Variants in CNTN5 observed in about 807,000 individuals in gnomAD.
CNTN5 encodes the protein contactin-5.
Under a neutral mutation model 129.1 loss-of-function variants are expected in CNTN5, and 77 were observed. The observed-to-expected ratio is 0.60, with a 90% CI of 0.50 to 0.72. The LOEUF is 0.72. Ranked by LOEUF, CNTN5 falls within the 30% of genes least tolerant of loss-of-function variation. The pLI is 0.00. For missense variants in CNTN5, 1,478 were observed against 1,328.8 expected (o/e 1.11, Z -1.75); for synonymous variants, 509 against 465.6 (o/e 1.09, Z -1.20).
chr11:99,681,337 A>G lies in CNTN5; in HGVS notation c.55+125068A>G, dbSNP rs910433218. ...CAGCATAGCATTCTACACTACTAAG[A>G]ATTTTTTTGTGAAAGGAAGAGACAA... On this transcript the variant is annotated intron_variant, in intron 3 of 24. Coordinates refer to ENST00000524871, the MANE Select transcript of CNTN5 (RefSeq NM_014361.4). Among the ~76,000 whole-genome samples the G allele has an allele frequency of 4.7e-4, 57 of 120,368 alleles. 1 individual carries two copies. The highest frequency in any genetic ancestry group is 1.7e-3 in the African/African-American group (52 of 30,512). 79.0% of individuals were successfully genotyped at this position (120,368 alleles called of 152,430 possible).
chr11:100,038,345 A>C (rs1038901958), intron 9 of CNTN5, among the ~76,000 whole-genome samples: 1 of 151,994 alleles, frequency 6.6e-6, no homozygotes, highest in Non-Finnish European at 1.5e-5. Context: ...GTTTGTTATG[A>C]TTTCTGTTCT....
intron 17 of CNTN5, among the ~76,000 whole-genome samples, chr11:100,266,836 A>G (rs879662721): frequency 1.3e-5 from 2 of 152,102 alleles, no homozygotes; most frequent in African/African-American, 4.8e-5. Context: ...AATATTGCCA[A>G]TTCTGATCAC....
intron 1 of CNTN5, among the ~76,000 whole-genome samples, chr11:99,076,283 C>T (rs1184056979): frequency 1.3e-5 from 2 of 151,974 alleles, no homozygotes; most frequent in African/African-American, 2.4e-5. Context: ...TGCAGTGAAC[C>T]GAGGTTGCAC....
chr11:99,146,164 T>C (rs1859773961), intron 1 of CNTN5, among the ~76,000 whole-genome samples: 1 of 152,162 alleles, frequency 6.6e-6, no homozygotes, highest in African/African-American at 2.4e-5. Context: ...ATGTAATCTA[T>C]ATACTATTTG....
intron 2 of CNTN5, among the ~76,000 whole-genome samples, chr11:99,331,053 G>A (rs1865979225): frequency 1.3e-5 from 2 of 151,968 alleles, no homozygotes; most frequent in South Asian, 4.1e-4. Flanking sequence ...TATTGTGTTT[G>A]TAGACAGGAA....
At chr11:99,864,495 G>C (rs948407082) in intron 6 of CNTN5, among the ~76,000 whole-genome samples, 1 of 152,052 alleles carries the variant, frequency 6.6e-6, no homozygotes, top group Non-Finnish European at 1.5e-5. Context: ...CCTTGGACTT[G>C]CTATAGCACT....
chr11:99,346,734 A>G (rs1355170780), intron 2 of CNTN5, among the ~76,000 whole-genome samples: 8 of 152,344 alleles, frequency 5.3e-5, no homozygotes, highest in Non-Finnish European at 4.4e-5. Flanking sequence ...AGGTTAGAAT[A>G]GGTCATAAGT....
intron 2 of CNTN5, among the ~76,000 whole-genome samples, chr11:99,365,967 C>T (rs1939420163): frequency 6.6e-6 from 1 of 152,058 alleles, no homozygotes; most frequent in East Asian, 1.9e-4. Flanking sequence ...TCAGGATCAG[C>T]CTAAGGGAAA....
At chr11:100,098,669 T>A (rs1945104969) in intron 13 of CNTN5, among the ~76,000 whole-genome samples, 1 of 152,096 alleles carries the variant, frequency 6.6e-6, no homozygotes, top group South Asian at 2.1e-4. Context: ...AGCTGAGTGG[T>A]TTCTAATGTT....
At chr11:99,652,017 A>T (rs1436213705) in intron 3 of CNTN5, among the ~76,000 whole-genome samples, 1 of 152,074 alleles carries the variant, frequency 6.6e-6, no homozygotes, top group Non-Finnish European at 1.5e-5. Context: ...ATTATCTCAA[A>T]GTTTCTGTGG....
intron 1 of CNTN5, among the ~76,000 whole-genome samples, chr11:99,307,877 A>T (rs1864942210): frequency 6.6e-6 from 1 of 152,214 alleles, no homozygotes; most frequent in African/African-American, 2.4e-5. Context: ...GAAAGTATGC[A>T]GACCTGCTGG....
chr11:99,408,476 A>AAGAAAGAAAGAAAGAAAGAAAGAAAG (rs1565558073), intron 2 of CNTN5, among the ~76,000 whole-genome samples: 52 of 135,558 alleles, frequency 3.8e-4, no homozygotes, highest in African/African-American at 1.2e-3. Flanking sequence ...GAAAGAAAGA[A>AAGAAAGAAAGAAAGAAAGAAAGAAAG]AGAAAGAAAG....
chr11:100,172,423 A>T (rs956361414), intron 13 of CNTN5, among the ~76,000 whole-genome samples: 9 of 152,222 alleles, frequency 5.9e-5, no homozygotes, highest in African/African-American at 2.2e-4. Flanking sequence ...ATTTCAGTCT[A>T]GGGAAAACAT....
chr11:100,325,987 C>G (rs1264729434), intron 21 of CNTN5, among the ~76,000 whole-genome samples: 2 of 152,084 alleles, frequency 1.3e-5, no homozygotes, highest in African/African-American at 2.4e-5. Flanking sequence ...ATATATAGTT[C>G]TAACCTCAAT....
chr11:100,043,740 C>A (rs1442060725), intron 9 of CNTN5, among the ~76,000 whole-genome samples: 1 of 152,102 alleles, frequency 6.6e-6, no homozygotes, highest in Non-Finnish European at 1.5e-5. Context: ...CTTTTCTGGG[C>A]TACATTCCCT....
intron 2 of CNTN5, among the ~76,000 whole-genome samples, chr11:99,416,703 T>C (rs1942672151): frequency 6.6e-6 from 1 of 152,120 alleles, no homozygotes; most frequent in South Asian, 2.1e-4. Context: ...CATTGCAAGG[T>C]AGCAACGGGC....
chr11:99,759,419 A>G (rs982702469), intron 3 of CNTN5, among the ~76,000 whole-genome samples: 6 of 152,034 alleles, frequency 3.9e-5, no homozygotes, highest in Admixed American at 6.6e-5. Context: ...TGCTGAAACA[A>G]ATCTATATTA....
intron 9 of CNTN5, among the ~76,000 whole-genome samples, chr11:100,005,761 G>T (rs1267336953): frequency 6.6e-6 from 1 of 151,972 alleles, no homozygotes; most frequent in African/African-American, 2.4e-5. Flanking sequence ...GGCAAAGGAT[G>T]GAGTGAAAAA....
intron 8 of CNTN5, among the ~76,000 whole-genome samples, chr11:99,979,185 C>T (rs976343969): frequency 4.0e-5 from 6 of 151,852 alleles, no homozygotes; most frequent in Non-Finnish European, 7.4e-5. Flanking sequence ...CTTTGACTCT[C>T]GAAGAACTCA....
Sources: gnomAD v4.1 joint callset for allele counts (sites outside exome capture counted in the v4.1 genomes callset) on GRCh38, gnomAD v4.1.1 for gene constraint, MANE v1.5 for transcripts, NCBI Gene and HGNC (gene_info 2026-07-23, HGNC 2026-07-21) for gene names.